Variants in PRMT8 observed in about 807,000 individuals in gnomAD.
PRMT8 encodes the protein protein arginine N-methyltransferase 8.
In PRMT8, 7 loss-of-function variants were observed where a neutral mutation model predicts 47.1. The observed-to-expected ratio is 0.15, with a 90% CI of 0.08 to 0.28. The LOEUF (loss-of-function observed/expected upper bound fraction) is 0.28, where lower values mean the gene tolerates loss of function less well. Among genes scored for constraint, PRMT8 ranks in the 10% least tolerant of loss-of-function variants. PRMT8 has a pLI of 1.00. For synonymous variants in PRMT8, 188 were observed against 186.5 expected (o/e 1.01, Z -0.07); for missense variants, 237 against 505.4 (o/e 0.47, Z 5.09).
intron 2 of PRMT8, among the ~76,000 whole-genome samples, chr12:3,546,669 T>C (rs1471591727): frequency 3.3e-5 from 5 of 152,184 alleles, no homozygotes; most frequent in African/African-American, 1.2e-4. Context: ...ATTAGAGAAA[T>C]TGAATTCATA....
At chr12:3,568,945 A>T in intron 5 of PRMT8, 97 bp downstream of exon 5, 1 of 1,512,936 alleles carries the variant, frequency 6.6e-7, no homozygotes, top group Non-Finnish European at 9.0e-7. Flanking sequence ...GACTTCAGAG[A>T]AGACTGAGGC....
intron 1 of PRMT8, among the ~76,000 whole-genome samples, chr12:3,477,531 A>G (rs1217017044): frequency 6.6e-6 from 1 of 152,248 alleles, no homozygotes; most frequent in Admixed American, 6.5e-5. Flanking sequence ...TTGAGTTCTG[A>G]AACATTTTAT....
Position 3,570,695 on chromosome 12 carries a change from G to A in PRMT8, c.712+1131G>A, listed in dbSNP as rs1310159254. Among the ~76,000 whole-genome samples, 1 of 152,234 alleles carries A rather than the reference G, an allele frequency of 6.6e-6. No homozygotes were observed. Among genetic ancestry groups the A allele is most frequent in the Non-Finnish European group, 1.5e-5 (1 of 68,046 alleles). On this transcript the variant is annotated intron_variant, in intron 6 of 9. Transcript: ENST00000382622. This position sits in a 1 kb window ranked among gnomAD's most constrained non-coding sequence, Gnocchi z 5.5. ...CTCGGCTGGACTCTGCTATGGATGT[G>A]TGTATTTGTGTGGGTTCATGCCTTT...
intron 1 of PRMT8, among the ~76,000 whole-genome samples, chr12:3,399,682 C>T (rs1160979982): frequency 6.6e-6 from 1 of 152,166 alleles, no homozygotes; most frequent in East Asian, 1.9e-4. Flanking sequence ...CATCTCCTCC[C>T]TCATTCCTTT....
intron 1 of PRMT8, among the ~76,000 whole-genome samples, chr12:3,388,710 T>A (rs1864163947): frequency 6.7e-6 from 1 of 149,894 alleles, no homozygotes; most frequent in South Asian, 2.1e-4. Flanking sequence ...TCAGCCCACA[T>A]CAGGCTGTCT....
intron 1 of PRMT8, among the ~76,000 whole-genome samples, chr12:3,428,585 C>T (rs760083131): frequency 1.3e-5 from 2 of 152,110 alleles, no homozygotes; most frequent in Admixed American, 1.3e-4. Flanking sequence ...CGGAGAAGAC[C>T]TTCAATGATC....
intron 1 of PRMT8, among the ~76,000 whole-genome samples, chr12:3,532,438 C>T (rs1418021361): frequency 6.7e-6 from 1 of 149,590 alleles, no homozygotes; most frequent in Non-Finnish European, 1.5e-5. Context: ...GGTGAAACCC[C>T]GTCTCTACTA....
At chr12:3,497,567 A>G (rs1865529390) in intron 1 of PRMT8, among the ~76,000 whole-genome samples, 1 of 152,236 alleles carries the variant, frequency 6.6e-6, no homozygotes, top group Admixed American at 6.5e-5. Context: ...ATTGATTCCA[A>G]TCCCTTTTTC....
intron 1 of PRMT8, among the ~76,000 whole-genome samples, chr12:3,401,336 G>A (rs960018170): frequency 1.3e-5 from 2 of 151,746 alleles, no homozygotes; most frequent in Admixed American, 1.3e-4. Flanking sequence ...AAAATAATAA[G>A]AGCCATGTAT....
intron 1 of PRMT8, among the ~76,000 whole-genome samples, chr12:3,532,375 C>A (rs561046610): frequency 5.3e-5 from 8 of 149,760 alleles, no homozygotes; most frequent in Middle Eastern, 3.5e-3. Context: ...TTTGGGAGGC[C>A]GAGGCAGGTG....
chr12:3,451,053 C>G lies in PRMT8; in HGVS notation c.48+69611C>G, dbSNP rs934097370. Among the ~76,000 whole-genome samples the G allele has an allele frequency of 5.7e-4, 37 of 65,462 alleles. 1 individual carries two copies. The highest frequency in any genetic ancestry group is 1.1e-3 in the Non-Finnish European group (29 of 25,298). The allele number at this position is 65,462 out of a possible 152,430, so 42.9% of individuals were successfully genotyped here. A position where few individuals can be genotyped will look rare whatever the true frequency, so the allele number is the denominator to read the frequency against. ...CTGACACCCCCCCCCCCCCCCCCCC[C>G]CCGCCGAAAGGTTTTGGGACCCCAG... On this transcript the variant is annotated intron_variant, in intron 1 of 9. Transcript: ENST00000452611.
intron 1 of PRMT8, among the ~76,000 whole-genome samples, chr12:3,444,889 C>T (rs1459099999): frequency 2.0e-5 from 3 of 152,186 alleles, no homozygotes; most frequent in South Asian, 2.1e-4. Context: ...GGGGCTATGG[C>T]GTTGCAAGGA....
intron 9 of PRMT8, 125 bp downstream of exon 9, chr12:3,592,477 C>A: frequency 1.9e-6 from 2 of 1,064,436 alleles, no homozygotes; most frequent in South Asian, 1.7e-5. Context: ...GGCAGGCAGT[C>A]GGTAGCCACA....
chr12:3,443,689 A>C (rs574724831), intron 1 of PRMT8, among the ~76,000 whole-genome samples: 1 of 152,170 alleles, frequency 6.6e-6, no homozygotes, highest in Non-Finnish European at 1.5e-5. Flanking sequence ...CGATCACATC[A>C]TCCTCCTGGT....
rs568249996 is a variant in PRMT8 at position 3,426,800 on chromosome 12, G to A, written c.48+45358G>A. Among the ~76,000 whole-genome samples the A allele has an allele frequency of 2.0e-5, 3 of 152,124 alleles. 1 individual carries two copies. Among genetic ancestry groups the A allele is most frequent in the Admixed American group, 6.5e-5 (1 of 15,284 alleles). ...GCCCTACAACTCTAGAGGGGGTGGC[G>A]CTTTCTTGACTCGGTTGTGGTGAGT... On this transcript the variant is annotated intron_variant, in intron 1 of 9. Coordinates refer to the PRMT8 transcript ENST00000452611.
chr12:3,411,506 T>C (rs1239180227), intron 1 of PRMT8, among the ~76,000 whole-genome samples: 1 of 152,320 alleles, frequency 6.6e-6, no homozygotes, highest in East Asian at 1.9e-4. Context: ...AAATTCTTCA[T>C]GGGAAAAAAC....
chr12:3,385,601 A>G (rs1192613655), intron 1 of PRMT8, among the ~76,000 whole-genome samples: 2 of 152,178 alleles, frequency 1.3e-5, no homozygotes, highest in Non-Finnish European at 2.9e-5. Context: ...CTATGTCTTA[A>G]TTATAACTTA....
chr12:3,430,334 A>G (rs1371647632), intron 1 of PRMT8, among the ~76,000 whole-genome samples: 2 of 152,200 alleles, frequency 1.3e-5, no homozygotes, highest in African/African-American at 2.4e-5. Context: ...GTGCTGGGCT[A>G]TCTGCCTGTG....
At chr12:3,482,912 C>T (rs757121836) in intron 1 of PRMT8, among the ~76,000 whole-genome samples, 14 of 152,146 alleles carry the variant, frequency 9.2e-5, no homozygotes, top group African/African-American at 1.7e-4. Context: ...GGTTGAGCAA[C>T]GTGTCCAAGA....
Sources: allele counts gnomAD v4.1 joint callset (sites outside exome capture counted in the v4.1 genomes callset), GRCh38; gene constraint gnomAD v4.1.1; non-coding constraint Gnocchi (gnomAD v3.1); transcripts MANE v1.5; gene names NCBI Gene and HGNC (gene_info 2026-07-23, HGNC 2026-07-21).